PTPRU: variants seen among roughly 807,000 people sequenced by gnomAD.
The protein encoded by PTPRU is protein tyrosine phosphatase receptor type U.
PTPRU carries 69 observed loss-of-function variants against 166.3 expected under a neutral mutation model. The observed-to-expected ratio is 0.41, with a 90% CI of 0.34 to 0.51. PTPRU has a LOEUF of 0.51. Ranked by LOEUF, PTPRU falls within the 20% of genes least tolerant of loss-of-function variation. The probability of loss-of-function intolerance (pLI) is 0.09; values close to 1 mark genes in which losing one functional copy is unlikely to be tolerated. For missense variants in PTPRU, 1,657 were observed against 2,013.7 expected (o/e 0.82, Z 3.39); for synonymous variants, 793 against 814.0 (o/e 0.97, Z 0.44).
intron 1 of PTPRU, among the ~76,000 whole-genome samples, chr1:29,254,839 C>G (rs1157071347): frequency 6.6e-6 from 1 of 152,220 alleles, no homozygotes; most frequent in Non-Finnish European, 1.5e-5. Context: ...CCACCTCCAT[C>G]ACCAGTGACC....
chr1:29,285,352 C>T (rs1215054752), intron 14 of PTPRU, among the ~76,000 whole-genome samples: 1 of 152,172 alleles, frequency 6.6e-6, no homozygotes, highest in East Asian at 1.9e-4. Context: ...TTCTCTCAGG[C>T]TCAACTTGCC....
intron 24 of PTPRU, among the ~76,000 whole-genome samples, chr1:29,316,987 T>G (rs1687927560): frequency 6.6e-6 from 1 of 152,038 alleles, no homozygotes; most frequent in Admixed American, 6.5e-5. Context: ...TCCCCTCCAC[T>G]CCAGGGTTCC....
chr1:29,323,315 G>A, intron 26 of PTPRU, 56 bp from the exon 27 acceptor site: 1 of 1,576,616 alleles, frequency 6.3e-7, no homozygotes, highest in Admixed American at 1.8e-5. Context: ...GCATGGCTGT[G>A]GGGTGAGCCC....
At chr1:29,248,248 A>G (rs1684386135) in intron 1 of PTPRU, among the ~76,000 whole-genome samples, 1 of 152,138 alleles carries the variant, frequency 6.6e-6, no homozygotes, top group African/African-American at 2.4e-5. Flanking sequence ...GACCTCAGGC[A>G]GGGAGGAGGT....
chr1:29,296,594 G>A (rs954216541), intron 15 of PTPRU, among the ~76,000 whole-genome samples: 11 of 149,058 alleles, frequency 7.4e-5, no homozygotes, highest in African/African-American at 2.2e-4. Context: ...CTGCAACCTC[G>A]ACCTCCTGGG....
Position 29,260,650 on chromosome 1 carries a change from T to G in PTPRU, c.891T>G (p.Ala297=). 1 of 1,522,766 alleles carries G rather than the reference T, an allele frequency of 6.6e-7. No individual in the cohort carries two copies. Among genetic ancestry groups the G allele is most frequent in the South Asian group, 1.3e-5 (1 of 77,868 alleles). 94.3% of individuals were successfully genotyped at this position (1,522,766 alleles called of 1,614,324 possible). The part of the protein sequence containing the change: ...TPIAPPQLLR[A]GPTYLIIQLN... ...TCGCGCCCCCACAGCTGCTGCGTGCTGGCCCCACCTACCTCATCATCCAGC... is the reference window on the plus strand; with the variant it reads ...TCGCGCCCCCACAGCTGCTGCGTGCGGGCCCCACCTACCTCATCATCCAGC... Residue 297 remains alanine (A), a synonymous_variant, in exon 7 of 30, where the codon GCT becomes GCG. Coordinates refer to ENST00000373779, the MANE Select transcript of PTPRU (RefSeq NM_133178.4). The surrounding 1 kb of genome is among the most constrained non-coding windows in gnomAD (Gnocchi z 8.3).
At chr1:29,318,607 A>G (rs1221840560) in intron 25 of PTPRU, among the ~76,000 whole-genome samples, 1 of 152,208 alleles carries the variant, frequency 6.6e-6, no homozygotes, top group Non-Finnish European at 1.5e-5. Context: ...GGTGGAGATC[A>G]TATGTTATAG....
rs374095972 is a variant in PTPRU, at chr1:29,325,229, C to T, written c.4151C>T (p.Ala1384Val). Reference protein sequence around the residue: ...GGRSGTFCACATVLEMIRCHN... With the variant: ...GGRSGTFCACVTVLEMIRCHN... ...CGCAGCGGCACCTTCTGCGCCTGCG[C>T]CACGGTCCTGGAGATGATCCGCTGC... Residue 1384 changes from alanine to valine, a missense_variant, in exon 29 of 30, where the codon GCC becomes GTC. Ala to Val is a moderately conservative substitution (Grantham distance 64). This residue lies in a region of PTPRU where 1,190 missense variants were observed against 1,477.4 expected (regional missense o/e 0.81). Transcript: ENST00000373779. The T allele has an allele frequency of 1.9e-6, 3 of 1,614,116 alleles. No homozygotes were observed. The African/African-American group carries it at 4.0e-5, about 22-fold the overall frequency.
chr1:29,285,151 C>T (rs1169508773), intron 14 of PTPRU, among the ~76,000 whole-genome samples: 1 of 152,182 alleles, frequency 6.6e-6, no homozygotes, highest in East Asian at 1.9e-4. Flanking sequence ...TGCCAAGGAG[C>T]TATGCCTGCT....
At position 29,320,802 on chromosome 1, in the gene PTPRU, C is replaced by G; in HGVS notation, c.3805C>G (p.Leu1269Val). 1 of 1,595,526 alleles carries G rather than the reference C, an allele frequency of 6.3e-7. No individual in the cohort carries two copies. Among genetic ancestry groups the G allele is most frequent in the East Asian group, 2.3e-5 (1 of 44,292 alleles). Residue 1269 changes from leucine to valine, a missense_variant, in exon 26 of 30, where the codon CTG becomes GTG. Around this residue, in one of 3 missense-constraint regions of PTPRU, gnomAD observed 1,190 missense variants for 1,477.4 expected, o/e 0.81. Coordinates refer to ENST00000373779, the MANE Select transcript of PTPRU (RefSeq NM_133178.4). The surrounding 1 kb of genome is among the most constrained non-coding windows in gnomAD (Gnocchi z 5.2). ...CACCTCCATCGTCATGCTCAACCAGCTGAACCAGTCCAACTCCGCCTGGGT... is the reference window on the plus strand; with the variant it reads ...CACCTCCATCGTCATGCTCAACCAGGTGAACCAGTCCAACTCCGCCTGGGT... ...GCTSIVMLNQ[L>V]NQSNSAWPCL...
chr1:29,261,135 T>C (rs1410298105), intron 7 of PTPRU, among the ~76,000 whole-genome samples: 1 of 152,222 alleles, frequency 6.6e-6, no homozygotes, highest in African/African-American at 2.4e-5. Flanking sequence ...GATTTAAAAC[T>C]TACAACACTA....
intron 7 of PTPRU, among the ~76,000 whole-genome samples, chr1:29,263,622 G>A (rs991476128): frequency 6.6e-6 from 1 of 151,990 alleles, no homozygotes; most frequent in Non-Finnish European, 1.5e-5. Context: ...TGTCTATGAG[G>A]GTTCTAGTTT....
At position 29,325,710 on chromosome 1, in the gene PTPRU, C is replaced by A. The variant is rs1325513421; in HGVS notation, c.*49C>A. On this transcript the variant is annotated 3_prime_UTR_variant, in exon 30 of 30. Transcript: ENST00000373779. ...ACTGCACACTCAGGGCCAGACCCACCATCCTGGACTGGCGAGGAAGATCAG... is the reference window on the plus strand; with the variant it reads ...ACTGCACACTCAGGGCCAGACCCACAATCCTGGACTGGCGAGGAAGATCAG... 6.7e-7 allele frequency: 1 copy of A among 1,495,108 alleles called. No individual in the cohort carries two copies. The highest frequency in any genetic ancestry group is 9.1e-7 in the Non-Finnish European group (1 of 1,096,570). The allele number at this position is 1,495,108 out of a possible 1,614,324, so 92.6% of individuals were successfully genotyped here. A position where few individuals can be genotyped will look rare whatever the true frequency, so the allele number is the denominator to read the frequency against.
intron 15 of PTPRU, among the ~76,000 whole-genome samples, chr1:29,302,151 ATGTGTGTGTG>A (rs138316498): frequency 2.8e-5 from 4 of 142,216 alleles, no homozygotes; most frequent in East Asian, 2.1e-4. Context: ...GCTAATGTGT[ATGTGTGTGTG>A]TGTGTGTGTG....
chr1:29,289,758 G>T, intron 14 of PTPRU: 1 of 1,604,120 alleles, frequency 6.2e-7, no homozygotes, highest in East Asian at 2.2e-5. Flanking sequence ...CTGCCTAGGG[G>T]GAGATCCCCT....
chr1:29,289,063 C>G (rs537065616), intron 14 of PTPRU, among the ~76,000 whole-genome samples: 2 of 151,212 alleles, frequency 1.3e-5, no homozygotes, highest in South Asian at 4.2e-4. Context: ...CATCCTGCCC[C>G]CTTTCTGTCC....
rs80072461 is a variant in PTPRU at position 29,282,757 on chromosome 1, A to G, written c.1950A>G (p.Pro650=). Residue 650 remains proline, a synonymous_variant, in exon 12 of 30, where the codon CCA becomes CCG. Coordinates refer to ENST00000373779, the MANE Select transcript of PTPRU (RefSeq NM_133178.4). ...GTGGACAGGACTGCTTCCCAGTGCCATTGACCTTCGAGGCGGCGCTGGCCC... is the reference window on the plus strand; with the variant it reads ...GTGGACAGGACTGCTTCCCAGTGCCGTTGACCTTCGAGGCGGCGCTGGCCC... ...EPGGQDCFPV[P]LTFEAALARG... is the part of the protein sequence containing the mutation. 804 of 1,614,062 alleles carry G rather than the reference A, an allele frequency of 5.0e-4. 5 individuals are homozygous for G. The African/African-American group carries it at 9.4e-3, about 19-fold the overall frequency.
chr1:29,312,094 A>T (rs1456029083), intron 21 of PTPRU, among the ~76,000 whole-genome samples: 1 of 152,244 alleles, frequency 6.6e-6, no homozygotes, highest in Non-Finnish European at 1.5e-5. Flanking sequence ...TGAGGCTCAG[A>T]GGGCTTATGC....
In PTPRU at chr1:29,237,097, G is replaced by A. The variant is rs1334723849; in HGVS notation, c.73+380G>A. On this transcript the variant is annotated intron_variant, in intron 1 of 29. Coordinates refer to ENST00000373779, the MANE Select transcript of PTPRU (RefSeq NM_133178.4). This position sits in a 1 kb window ranked among gnomAD's most constrained non-coding sequence, Gnocchi z 6.4. ...TTGTATCTGCTAATGTGTTGCATTT[G>A]TTTGCATTTTGTATGCCTGGCCGGG... is the stretch of plus-strand genomic sequence containing the variant. 6.6e-6 allele frequency among the ~76,000 whole-genome samples: 1 copy of A among 152,132 alleles called. No homozygotes were observed. Among genetic ancestry groups the A allele is most frequent in the African/African-American group, 2.4e-5 (1 of 41,412 alleles).
Sources: gnomAD v4.1 joint callset for allele counts (sites outside exome capture counted in the v4.1 genomes callset) on GRCh38, gnomAD v4.1.1 for gene constraint, gnomAD v4.1.1 regional missense constraint, Gnocchi (gnomAD v3.1) non-coding constraint, MANE v1.5 for transcripts, NCBI Gene and HGNC (gene_info 2026-07-23, HGNC 2026-07-21) for gene names.